SKAP1: variants seen among roughly 807,000 people sequenced by gnomAD.
The protein encoded by SKAP1 is src kinase-associated phosphoprotein 1.
In SKAP1, 44 loss-of-function variants were observed where a neutral mutation model predicts 58.5. That is an observed-to-expected ratio of 0.75 (90% CI 0.59 to 0.97). The LOEUF (loss-of-function observed/expected upper bound fraction) is 0.97. Ranked by LOEUF, SKAP1 falls within the 50% of genes least tolerant of loss-of-function variation. The pLI is 0.00. For synonymous variants in SKAP1, 127 were observed against 149.7 expected (o/e 0.85, Z 1.11); for missense variants, 390 against 435.2 (o/e 0.90, Z 0.92).
intron 4 of SKAP1, among the ~76,000 whole-genome samples, chr17:48,340,890 G>A (rs1206630540): frequency 6.6e-6 from 1 of 152,124 alleles, no homozygotes; most frequent in Non-Finnish European, 1.5e-5. Context: ...AGTGAAAAAA[G>A]CAATAAGGAA....
At chr17:48,297,425 C>T (rs532498574) in intron 4 of SKAP1, among the ~76,000 whole-genome samples, 2 of 152,196 alleles carry the variant, frequency 1.3e-5, no homozygotes, top group Admixed American at 6.5e-5. Flanking sequence ...ACCTTATAAC[C>T]TTATAAATAG....
chr17:48,221,372 A>T (rs1331427854), intron 4 of SKAP1, among the ~76,000 whole-genome samples: 1 of 152,248 alleles, frequency 6.6e-6, no homozygotes, highest in Non-Finnish European at 1.5e-5. Context: ...AAACTATCAA[A>T]GTAGTTTGTT....
intron 4 of SKAP1, among the ~76,000 whole-genome samples, chr17:48,274,257 A>G (rs1230383587): frequency 6.6e-6 from 1 of 151,968 alleles, no homozygotes. Flanking sequence ...TTAGCTGGGC[A>G]TGGTGGCACG....
chr17:48,274,636 C>T (rs1013463258), intron 4 of SKAP1, among the ~76,000 whole-genome samples: 3 of 151,732 alleles, frequency 2.0e-5, no homozygotes, highest in South Asian at 2.1e-4. Flanking sequence ...GTGGAGGTTG[C>T]GGTGAGCTGA....
chr17:48,185,634 T>C (rs902386864), intron 6 of SKAP1, among the ~76,000 whole-genome samples: 1 of 152,192 alleles, frequency 6.6e-6, no homozygotes, highest in African/African-American at 2.4e-5. Context: ...CTTTGAGCTC[T>C]ATATCATGTG....
At chr17:48,189,171 T>C (rs143915000) in intron 5 of SKAP1, among the ~76,000 whole-genome samples, 28 of 151,832 alleles carry the variant, frequency 1.8e-4, no homozygotes, top group African/African-American at 6.3e-4. Context: ...ATACCAGGCA[T>C]TGGGGATACA....
At chr17:48,198,834 T>C (rs1212919977) in intron 4 of SKAP1, among the ~76,000 whole-genome samples, 2 of 152,218 alleles carry the variant, frequency 1.3e-5, no homozygotes, top group African/African-American at 2.4e-5. Flanking sequence ...ACCTGAAGTA[T>C]CTTTAGCAGC....
At chr17:48,259,342 T>C (rs1567841849) in intron 4 of SKAP1, among the ~76,000 whole-genome samples, 2 of 152,126 alleles carry the variant, frequency 1.3e-5, no homozygotes, top group Admixed American at 6.6e-5. Context: ...CTCTACATAA[T>C]AACATTGGGT....
chr17:48,297,611 A>G (rs952059233), intron 4 of SKAP1, among the ~76,000 whole-genome samples: 1 of 152,204 alleles, frequency 6.6e-6, no homozygotes, highest in Admixed American at 6.5e-5. Flanking sequence ...TTAAAAATAT[A>G]TATGGTTCAG....
At chr17:48,388,577 A>G (rs1200122825) in intron 2 of SKAP1, among the ~76,000 whole-genome samples, 1 of 152,228 alleles carries the variant, frequency 6.6e-6, no homozygotes, top group Non-Finnish European at 1.5e-5. Flanking sequence ...TTGCTTTGTC[A>G]TATATCCTTC....
intron 4 of SKAP1, among the ~76,000 whole-genome samples, chr17:48,298,719 A>G (rs1265055725): frequency 1.3e-5 from 2 of 152,128 alleles, no homozygotes; most frequent in Non-Finnish European, 2.9e-5. Flanking sequence ...TAAGGTAAAG[A>G]GCTTAATCAC....
intron 11 of SKAP1, among the ~76,000 whole-genome samples, chr17:48,137,644 C>A (rs1272660327): frequency 1.3e-5 from 2 of 152,134 alleles, no homozygotes; most frequent in African/African-American, 2.4e-5. Context: ...AAGTTGGGCA[C>A]ACATTAAATT....
At chr17:48,200,324 A>T (rs2064711503) in intron 4 of SKAP1, among the ~76,000 whole-genome samples, 1 of 151,774 alleles carries the variant, frequency 6.6e-6, no homozygotes, top group African/African-American at 2.4e-5. Flanking sequence ...TTGAGGAGGA[A>T]CTGGAACATG....
chr17:48,250,427 C>T (rs910097300), intron 4 of SKAP1, among the ~76,000 whole-genome samples: 3 of 151,164 alleles, frequency 2.0e-5, no homozygotes, highest in Non-Finnish European at 4.4e-5. Flanking sequence ...GGATTACAGG[C>T]GTGCACCACC....
At chr17:48,278,048 T>C (rs548233698) in intron 4 of SKAP1, among the ~76,000 whole-genome samples, 1 of 152,350 alleles carries the variant, frequency 6.6e-6, no homozygotes, top group African/African-American at 2.4e-5. Flanking sequence ...TTTTCTAGCA[T>C]GAAACATCTA....
At chr17:48,152,321 C>G (rs1454015232) in intron 11 of SKAP1, among the ~76,000 whole-genome samples, 2 of 152,162 alleles carry the variant, frequency 1.3e-5, no homozygotes, top group Admixed American at 1.3e-4. Flanking sequence ...GGTTGGAGAG[C>G]TGAATCACGC....
chr17:48,410,840 T>C (rs1269580281), intron 1 of SKAP1, among the ~76,000 whole-genome samples: 1 of 147,268 alleles, frequency 6.8e-6, no homozygotes, highest in Non-Finnish European at 1.5e-5. Context: ...GGCACAAGAA[T>C]CGCTTGAACC....
intron 4 of SKAP1, chr17:48,193,707 G>A: frequency 3.0e-6 from 3 of 984,862 alleles, no homozygotes; most frequent in Non-Finnish European, 3.6e-6. Flanking sequence ...GTGATCCTGA[G>A]GATGAACAGT....
chr17:48,175,761 G>A (rs1163153569), intron 9 of SKAP1, among the ~76,000 whole-genome samples: 1 of 152,212 alleles, frequency 6.6e-6, no homozygotes, highest in Non-Finnish European at 1.5e-5. Flanking sequence ...AGACATATTT[G>A]AGCAGAATGT....
Sources: gnomAD v4.1 joint callset for allele counts (sites outside exome capture counted in the v4.1 genomes callset) on GRCh38, gnomAD v4.1.1 for gene constraint, MANE v1.5 for transcripts, NCBI Gene and HGNC (gene_info 2026-07-23, HGNC 2026-07-21) for gene names.